The following INTS6 variants were observed in gnomAD, a reference collection of about 807,000 sequenced individuals.
INTS6 encodes the protein DEAD box protein.
INTS6 carries 16 observed loss-of-function variants against 104.9 expected under a neutral mutation model. The observed-to-expected ratio is 0.15, with a 90% CI of 0.10 to 0.23. The LOEUF is 0.23. Among genes scored for constraint, INTS6 ranks in the 10% least tolerant of loss-of-function variants. The probability of loss-of-function intolerance (pLI) is 1.00; values close to 1 mark genes in which losing one functional copy is unlikely to be tolerated. For synonymous variants in INTS6, 324 were observed against 358.7 expected, an observed-to-expected ratio of 0.90 and a Z score of 1.09; for missense variants, 584 against 1,062.8, an observed-to-expected ratio of 0.55 and a Z score of 6.26.
chr13:51,368,862 C>T (rs957389358), intron 16 of INTS6, 77 bp downstream of exon 16: 2 of 1,425,410 alleles, frequency 1.4e-6, no homozygotes, highest in Admixed American at 2.4e-5. Context: ...ACTACAGTTA[C>T]TTGACTTTTT....
At chr13:51,435,952 A>G (rs562038355) in intron 3 of INTS6, among the ~76,000 whole-genome samples, 9 of 152,244 alleles carry the variant, frequency 5.9e-5, no homozygotes, top group African/African-American at 2.2e-4. Flanking sequence ...ATTTAAATCA[A>G]TATTCCAAGG....
At chr13:51,411,327 G>A (rs1004962771) in intron 4 of INTS6, among the ~76,000 whole-genome samples, 3 of 151,850 alleles carry the variant, frequency 2.0e-5, no homozygotes, top group African/African-American at 7.3e-5. Flanking sequence ...ACTGAGGAGG[G>A]TGGATGACCT....
At chr13:51,369,403 A>G in intron 15 of INTS6, 93 bp from the exon 16 acceptor site, 5 of 1,293,636 alleles carry the variant, frequency 3.9e-6, no homozygotes, top group Non-Finnish European at 5.3e-6. Flanking sequence ...CAGCAAGTCA[A>G]CTGTTTTCCT....
At chr13:51,337,849 G>C in the INTS6 span, among the ~76,000 whole-genome samples, 1 of 152,154 alleles carries the variant, frequency 6.6e-6, no homozygotes, top group African/African-American at 2.4e-5. Context: ...GCCTCACTTA[G>C]CAGTATAATG....
At position 51,364,388 on chromosome 13, in the gene INTS6, A is replaced by C. The variant is rs565529718; in HGVS notation, c.*1364T>G. The stretch of plus-strand genomic sequence containing the variant: ...ATGTCTGATAAAGTGTAAAAAGCTA[A>C]GGGTATGTGATTTTCAATATTATAA... On this transcript the variant is annotated 3_prime_UTR_variant, in exon 18 of 18. Coordinates refer to ENST00000311234, the MANE Select transcript of INTS6 (RefSeq NM_012141.3). 2 of 601,270 alleles carry C rather than the reference A, an allele frequency of 3.3e-6. No individual in the cohort carries two copies. Among genetic ancestry groups the C allele is most frequent in the East Asian group, 6.1e-5 (2 of 32,712 alleles). The allele number at this position is 601,270 out of a possible 1,614,324, so 37.2% of individuals were successfully genotyped here.
chr13:51,436,415 A>C (rs1054568052), intron 3 of INTS6: 4 of 152,320 alleles, frequency 2.6e-5, no homozygotes, highest in Admixed American at 6.5e-5. Context: ...ACTCCGTTAC[A>C]CGACTGTGTT....
At chr13:51,348,381 G>A in the INTS6 span, 17 of 1,613,766 alleles carry the variant, frequency 1.1e-5, no homozygotes, top group Non-Finnish European at 1.4e-5. Flanking sequence ...ACCAGCCTGA[G>A]GAGAGCCAGG....
chr13:51,409,485 G>A (rs975217787), intron 4 of INTS6, among the ~76,000 whole-genome samples: 3 of 151,826 alleles, frequency 2.0e-5, no homozygotes, highest in East Asian at 1.9e-4. Context: ...CATAGTCAGT[G>A]AAACAGTTAT....
intron 3 of INTS6, among the ~76,000 whole-genome samples, chr13:51,433,602 A>G (rs1200202392): frequency 6.6e-6 from 1 of 152,258 alleles, no homozygotes; most frequent in African/African-American, 2.4e-5. Context: ...CATATAGATG[A>G]TGACATCCAC....
intron 4 of INTS6, among the ~76,000 whole-genome samples, chr13:51,422,265 C>G (rs893160618): frequency 1.3e-5 from 2 of 151,918 alleles, no homozygotes; most frequent in Admixed American, 6.6e-5. Context: ...ACATAGATGC[C>G]CAAGTTGGAA....
intron 6 of INTS6, 25 bp from the exon 7 acceptor site, chr13:51,387,565 G>A: frequency 6.3e-7 from 1 of 1,590,102 alleles, no homozygotes; most frequent in African/African-American, 1.4e-5. Context: ...TTAAGACAAA[G>A]AAAGCATATA....
chr13:51,402,369 T>C (rs1249848391), intron 4 of INTS6, among the ~76,000 whole-genome samples: 2 of 152,180 alleles, frequency 1.3e-5, no homozygotes, highest in Non-Finnish European at 2.9e-5. Flanking sequence ...GTCTGGAACA[T>C]CTAGGGAGGG....
intron 3 of INTS6, among the ~76,000 whole-genome samples, chr13:51,434,445 ATAT>A (rs1016006170): frequency 5.9e-5 from 9 of 152,142 alleles, no homozygotes; most frequent in East Asian, 3.8e-4. Flanking sequence ...AAAAAGAAAA[ATAT>A]TATTATCATC....
intron 4 of INTS6, among the ~76,000 whole-genome samples, chr13:51,413,165 T>C (rs1956720659): frequency 1.3e-5 from 2 of 152,176 alleles, no homozygotes; most frequent in African/African-American, 4.8e-5. Flanking sequence ...AAACTACTAC[T>C]TAATTACACA....
At chr13:51,413,231 C>T (rs1012297769) in intron 4 of INTS6, among the ~76,000 whole-genome samples, 16 of 151,980 alleles carry the variant, frequency 1.1e-4, no homozygotes, top group African/African-American at 3.6e-4. Context: ...AAATAGAATC[C>T]TATGCACCAG....
chr13:51,355,280 T>C, intron 3 of INTS6: 1 of 575,924 alleles, frequency 1.7e-6, no homozygotes, highest in Non-Finnish European at 3.1e-6. Context: ...TATAAGAATG[T>C]GTTGCTTCTA....
chr13:51,430,112 G>A, intron 4 of INTS6, 182 bp downstream of exon 4: 1 of 508,868 alleles, frequency 2.0e-6, no homozygotes, highest in Middle Eastern at 5.0e-4. Flanking sequence ...TCTCACAGAA[G>A]AGATTCTTAT....
At chr13:51,382,176 G>T in intron 9 of INTS6, 53 bp from the exon 10 acceptor site, 1 of 1,098,802 alleles carries the variant, frequency 9.1e-7, no homozygotes, top group Non-Finnish European at 1.3e-6. Flanking sequence ...TTCACACATA[G>T]AAGTCAAGTC....
chr13:51,433,646 A>G (rs1006215973), intron 3 of INTS6, among the ~76,000 whole-genome samples: 1 of 152,260 alleles, frequency 6.6e-6, no homozygotes. Context: ...GCCCATGTCT[A>G]CAAAATTAAG....
Sources: gnomAD v4.1 joint callset for allele counts (sites outside exome capture counted in the v4.1 genomes callset) on GRCh38, gnomAD v4.1.1 for gene constraint, MANE v1.5 for transcripts, NCBI Gene and HGNC (gene_info 2026-07-23, HGNC 2026-07-21) for gene names.